EFCAB8: variants seen among roughly 807,000 people sequenced by gnomAD.
The protein encoded by EFCAB8 is EF-hand calcium binding domain 8.
Under a neutral mutation model 116.3 loss-of-function variants are expected in EFCAB8, and 100 were observed. The observed-to-expected ratio is 0.86, with a 90% CI of 0.73 to 1.02. EFCAB8 has a LOEUF of 1.02. Ranked by LOEUF, EFCAB8 falls within the 50% of genes least tolerant of loss-of-function variation. The pLI, the probability that EFCAB8 is intolerant of heterozygous loss-of-function variation, is 0.00. For synonymous variants in EFCAB8, 558 were observed against 567.9 expected, an observed-to-expected ratio of 0.98 and a Z score of 0.25; for missense variants, 1,320 against 1,416.9, an observed-to-expected ratio of 0.93 and a Z score of 1.10.
At chr20:32,907,779 G>A (rs1236179308) in intron 13 of EFCAB8, among the ~76,000 whole-genome samples, 1 of 152,200 alleles carries the variant, frequency 6.6e-6, no homozygotes, top group Admixed American at 6.5e-5. Flanking sequence ...CATGGGCAGA[G>A]GATGCCTCCA....
intron 11 of EFCAB8, among the ~76,000 whole-genome samples, chr20:32,906,021 C>A (rs774425507): frequency 6.6e-6 from 1 of 152,062 alleles, no homozygotes; most frequent in South Asian, 2.1e-4. Flanking sequence ...CTATCCCTAG[C>A]GCAGGGCAGT....
intron 11 of EFCAB8, among the ~76,000 whole-genome samples, chr20:32,901,159 G>A (rs1986407336): frequency 6.6e-6 from 1 of 152,222 alleles, no homozygotes; most frequent in South Asian, 2.1e-4. Flanking sequence ...TGTGGCAGAA[G>A]TTTGCTTGGA....
Position 32,915,765 on chromosome 20 carries a change from G to A in EFCAB8, c.1857-1536G>A, listed in dbSNP as rs138051232. Among the ~76,000 whole-genome samples the A allele has an allele frequency of 4.6e-3, 698 of 151,672 alleles. 2 individuals are homozygous for A. Among genetic ancestry groups the A allele is most frequent in the African/African-American group, 0.014 (566 of 41,322 alleles). On this transcript the variant is annotated intron_variant, in intron 17 of 26. Transcript: ENST00000400522. ...TGGCTCACTGCAGCCTCCGCGTCCC[G>A]GGTTCAAGTGATTCTCATGCTTCTG...
At chr20:32,871,266 A>G (rs1984672742) in intron 3 of EFCAB8, among the ~76,000 whole-genome samples, 1 of 150,774 alleles carries the variant, frequency 6.6e-6, no homozygotes, top group Non-Finnish European at 1.5e-5. Flanking sequence ...ATTTTTTTTA[A>G]TTTTTATTCT....
At chr20:32,921,385 GTGTGTGTT>G (rs1425153044) in intron 20 of EFCAB8, among the ~76,000 whole-genome samples, 3 of 145,872 alleles carry the variant, frequency 2.1e-5, no homozygotes, top group South Asian at 2.3e-4. Context: ...GTGTGTGTGT[GTGTGTGTT>G]TTTGTAGAGA....
At chr20:32,904,497 C>T (rs905731144) in intron 11 of EFCAB8, among the ~76,000 whole-genome samples, 1 of 150,714 alleles carries the variant, frequency 6.6e-6, no homozygotes, top group South Asian at 2.1e-4. Context: ...TGGGATCTTG[C>T]TGTGTTGCCC....
intron 19 of EFCAB8, among the ~76,000 whole-genome samples, chr20:32,919,079 TATTTTGCGGGGAGTAGGGA>T (rs1987332517): frequency 6.6e-6 from 1 of 152,188 alleles, no homozygotes; most frequent in South Asian, 2.1e-4. Context: ...CTGACAGTTC[TATTTTGCGGGGAGTAGGGA>T]GAAAGAGCAG....
intron 20 of EFCAB8, among the ~76,000 whole-genome samples, chr20:32,929,243 A>C (rs1987790579): frequency 6.6e-6 from 1 of 151,796 alleles, no homozygotes; most frequent in South Asian, 2.1e-4. Flanking sequence ...ATTCTGGAAA[A>C]GTTTGGGAAG....
intron 1 of EFCAB8, among the ~76,000 whole-genome samples, chr20:32,859,284 C>T (rs1040132822): frequency 4.6e-5 from 7 of 152,182 alleles, no homozygotes; most frequent in African/African-American, 9.6e-5. Context: ...CCGTCAGCTC[C>T]GGACAGGTCA....
At position 32,885,494 on chromosome 20, in the gene EFCAB8, G is replaced by A. The variant is rs1402870584; in HGVS notation, c.432-11G>A. On this transcript the variant is annotated splice_polypyrimidine_tract_variant and intron_variant, in intron 5 of 26. Transcript: ENST00000400522. The stretch of plus-strand genomic sequence containing the variant: ...TGCTTGGGCTCTTCTCTCTTTCATC[G>A]CCTCCCACAGGAACCATGGCTGTGA... 13 of 1,551,416 alleles carry A rather than the reference G, an allele frequency of 8.4e-6. No homozygotes were observed. The highest frequency in any genetic ancestry group is 3.9e-5 in the Admixed American group (2 of 50,982).
intron 1 of EFCAB8, among the ~76,000 whole-genome samples, chr20:32,860,177 G>C (rs541173357): frequency 6.6e-6 from 1 of 152,068 alleles, no homozygotes; most frequent in Non-Finnish European, 1.5e-5. Context: ...GCATGGTGGC[G>C]TGCACCTATA....
At chr20:32,912,161 A>G (rs761296895) in intron 16 of EFCAB8, among the ~76,000 whole-genome samples, 1 of 152,144 alleles carries the variant, frequency 6.6e-6, no homozygotes, top group Non-Finnish European at 1.5e-5. Context: ...TTAGCTGGCC[A>G]GGCAGTGGCT....
intron 23 of EFCAB8, among the ~76,000 whole-genome samples, chr20:32,951,637 C>T (rs1446059721): frequency 6.6e-6 from 1 of 152,106 alleles, no homozygotes; most frequent in East Asian, 1.9e-4. Context: ...TAAATAGAAA[C>T]TGGTTATTGC....
intron 23 of EFCAB8, among the ~76,000 whole-genome samples, 177 bp from the exon 24 acceptor site, chr20:32,958,244 C>T (rs901550479): frequency 3.3e-5 from 5 of 152,104 alleles, no homozygotes; most frequent in Non-Finnish European, 5.9e-5. Context: ...CTCATCCACA[C>T]GTTTGTTGAG....
rs1218162468 is a variant in EFCAB8, at chr20:32,893,270, C to T, written c.855C>T (p.Pro285=). 2.6e-6 allele frequency: 4 copies of T among 1,551,898 alleles called. No individual in the cohort carries two copies. The highest frequency in any genetic ancestry group is 1.4e-5 in the African/African-American group (1 of 73,158). Residue 285 remains proline, a synonymous_variant, in exon 9 of 27, where the codon CCC becomes CCT. Transcript: ENST00000400522. ...ACATGACCAGTGGGCTGTTCAACCC[C>T]CGTATCCTCCCCAGGGCCTCCAAGT... is the stretch of plus-strand genomic sequence containing the variant. ...SENMTSGLFN[P]RILPRASKWD... is the part of the protein sequence containing the mutation.
In EFCAB8 at chr20:32,918,522, C is replaced by A. The variant is rs1987300386; in HGVS notation, c.2222C>A (p.Pro741Gln). 6.4e-7 allele frequency: 1 copy of A among 1,551,578 alleles called. No homozygotes were observed. Among genetic ancestry groups the A allele is most frequent in the Non-Finnish European group, 8.7e-7 (1 of 1,147,010 alleles). ...AGGCGGAGCCTGGTGTCGGCTCCCCCAGTGATGCGGTGCCCGAGAGACAAG... is the reference window on the plus strand; with the variant it reads ...AGGCGGAGCCTGGTGTCGGCTCCCCAAGTGATGCGGTGCCCGAGAGACAAG... ...NLRRSLVSAP[P>Q]VMRCPRDKEP... is the part of the protein sequence containing the mutation. The change falls in exon 19 of 27, where the codon CCA becomes CAA. Residue 741 changes from proline (P) to glutamine (Q), a missense_variant. By Grantham distance (76) the Pro-to-Gln change is moderately conservative. Coordinates refer to ENST00000400522, the MANE Select transcript of EFCAB8 (RefSeq NM_001143967.2).
At chr20:32,869,735 T>C (rs866814505) in intron 3 of EFCAB8, among the ~76,000 whole-genome samples, 1 of 152,162 alleles carries the variant, frequency 6.6e-6, no homozygotes, top group African/African-American at 2.4e-5. Flanking sequence ...CAGATGACTG[T>C]GTATGTTTTC....
At chr20:32,918,722 CCTGGG>C (rs1480110450) in intron 19 of EFCAB8, 148 bp downstream of exon 19, 1 of 790,990 alleles carries the variant, frequency 1.3e-6, no homozygotes, top group Non-Finnish European at 2.0e-6. Flanking sequence ...GCATTGTGGG[CCTGGG>C]CAGGGCACCC....
intron 13 of EFCAB8, chr20:32,907,210 C>A: frequency 2.8e-6 from 2 of 706,968 alleles, no homozygotes; most frequent in Non-Finnish European, 3.5e-6. Context: ...ACTTTGTGAC[C>A]CTGGCAAGTC....
Sources: allele counts gnomAD v4.1 joint callset (sites outside exome capture counted in the v4.1 genomes callset), GRCh38; gene constraint gnomAD v4.1.1; transcripts MANE v1.5; gene names NCBI Gene and HGNC (gene_info 2026-07-23, HGNC 2026-07-21).